ANKS1B: variants seen among roughly 807,000 people sequenced by gnomAD.
ANKS1B encodes the protein ankyrin repeat and sterile alpha motif domain-containing protein 1B.
ANKS1B carries 36 observed loss-of-function variants against 148.3 expected under a neutral mutation model. The observed-to-expected ratio is 0.24, with a 90% confidence interval of 0.19 to 0.32. The LOEUF is 0.32. Among genes scored for constraint, ANKS1B ranks in the 10% least tolerant of loss-of-function variants. ANKS1B has a pLI of 1.00. For synonymous variants in ANKS1B, 542 were observed against 560.8 expected (o/e 0.97, Z 0.47); for missense variants, 1,157 against 1,542.6 (o/e 0.75, Z 4.19).
chr12:99,675,671 CA>C (rs1162778005), intron 8 of ANKS1B, among the ~76,000 whole-genome samples: 3 of 151,246 alleles, frequency 2.0e-5, no homozygotes, highest in Non-Finnish European at 4.4e-5. Flanking sequence ...CAATCTAACC[CA>C]AAAAAAGGTA....
At chr12:99,306,964 C>T (rs964197675) in intron 12 of ANKS1B, among the ~76,000 whole-genome samples, 3 of 152,132 alleles carry the variant, frequency 2.0e-5, no homozygotes, top group East Asian at 1.9e-4. Context: ...TAAGCCATTA[C>T]TCCACTCCCA....
intron 12 of ANKS1B, among the ~76,000 whole-genome samples, chr12:99,355,960 T>A (rs1025905271): frequency 6.6e-6 from 1 of 152,114 alleles, no homozygotes; most frequent in Non-Finnish European, 1.5e-5. Context: ...TATTAAAATT[T>A]ATAAAATCCA....
intron 8 of ANKS1B, among the ~76,000 whole-genome samples, chr12:99,769,989 C>T (rs2063037533): frequency 6.6e-6 from 1 of 152,210 alleles, no homozygotes; most frequent in Non-Finnish European, 1.5e-5. Flanking sequence ...CCTACCTCCA[C>T]AAAGACTTCA....
At chr12:99,963,057 C>A (rs1235615525) in intron 1 of ANKS1B, among the ~76,000 whole-genome samples, 1 of 152,170 alleles carries the variant, frequency 6.6e-6, no homozygotes, top group Non-Finnish European at 1.5e-5. Flanking sequence ...TCGTGATGCA[C>A]CCACCTCGGC....
chr12:98,937,550 C>T (rs1205019358), intron 17 of ANKS1B, among the ~76,000 whole-genome samples: 1 of 152,022 alleles, frequency 6.6e-6, no homozygotes, highest in Non-Finnish European at 1.5e-5. Flanking sequence ...TCCCACCTTC[C>T]ACTTGAAAGA....
chr12:99,847,176 G>T (rs919895539), intron 1 of ANKS1B, among the ~76,000 whole-genome samples: 47 of 151,658 alleles, frequency 3.1e-4, no homozygotes, highest in East Asian at 1.6e-3. Flanking sequence ...GGCAATCATG[G>T]CTCACTGCAT....
intron 20 of ANKS1B, among the ~76,000 whole-genome samples, chr12:98,802,604 T>TTTTTTTTTTC (rs2099014104): frequency 9.8e-6 from 1 of 101,816 alleles, no homozygotes; most frequent in Non-Finnish European, 2.0e-5. Context: ...CTTTTTTTTT[T>TTTTTTTTTTC]TTTTTTTTTT....
chr12:99,959,227 A>ATT (rs71088166), intron 1 of ANKS1B, among the ~76,000 whole-genome samples: 10,123 of 99,916 alleles, frequency 0.1, 944 homozygotes, highest in East Asian at 0.45. Flanking sequence ...CACCCAGTTA[A>ATT]TTTTTTTTTT....
At chr12:99,136,095 AG>A (rs2067955114) in intron 15 of ANKS1B, among the ~76,000 whole-genome samples, 2 of 152,240 alleles carry the variant, frequency 1.3e-5, no homozygotes, top group African/African-American at 4.8e-5. Context: ...AAGATTAAAC[AG>A]GGTTAAAGAT....
intron 19 of ANKS1B, among the ~76,000 whole-genome samples, chr12:98,826,062 G>A (rs1188592997): frequency 6.6e-6 from 1 of 152,092 alleles, no homozygotes; most frequent in African/African-American, 2.4e-5. Flanking sequence ...CAGAACTTCT[G>A]GGCTAATGAG....
At chr12:99,468,886 T>A (rs2096185382) in intron 10 of ANKS1B, among the ~76,000 whole-genome samples, 1 of 152,142 alleles carries the variant, frequency 6.6e-6, no homozygotes, top group African/African-American at 2.4e-5. Flanking sequence ...GTGTGGCGAT[T>A]CCTCAGGGAT....
chr12:98,743,273 T>C (rs2097818476), downstream of ANKS1B, among the ~76,000 whole-genome samples: 1 of 152,226 alleles, frequency 6.6e-6, no homozygotes, highest in African/African-American at 2.4e-5. Context: ...AAATCTTGTG[T>C]GTCTTGAGAA....
intron 14 of ANKS1B, among the ~76,000 whole-genome samples, chr12:99,178,576 T>A (rs1399254624): frequency 2.6e-5 from 4 of 152,250 alleles, no homozygotes; most frequent in Non-Finnish European, 5.9e-5. Context: ...TCAGGCACTA[T>A]CAACTTTGTT....
At chr12:99,901,622 C>G (rs928500388) in intron 1 of ANKS1B, among the ~76,000 whole-genome samples, 1 of 152,166 alleles carries the variant, frequency 6.6e-6, no homozygotes, top group Non-Finnish European at 1.5e-5. Flanking sequence ...CACCCCTCCC[C>G]CATTCTCAGT....
chr12:99,466,657 A>C (rs2152884543), intron 10 of ANKS1B, among the ~76,000 whole-genome samples: 1 of 151,704 alleles, frequency 6.6e-6, no homozygotes, highest in African/African-American at 2.4e-5. Flanking sequence ...AATACTACAA[A>C]CACCTCTATG....
intron 14 of ANKS1B, among the ~76,000 whole-genome samples, chr12:99,199,984 G>C (rs1485445670): frequency 6.6e-6 from 1 of 152,216 alleles, no homozygotes; most frequent in East Asian, 1.9e-4. Context: ...AAGAACAGGA[G>C]AGGGCCAATT....
intron 14 of ANKS1B, chr12:99,154,621 C>T: frequency 1.4e-6 from 2 of 1,452,510 alleles, no homozygotes; most frequent in East Asian, 5.0e-5. Flanking sequence ...ATCCTAGCTC[C>T]ACATTTCTTA....
intron 12 of ANKS1B, among the ~76,000 whole-genome samples, chr12:99,377,843 A>G (rs1039850644): frequency 2.6e-5 from 4 of 152,174 alleles, no homozygotes; most frequent in Non-Finnish European, 5.9e-5. Context: ...ATTTCCCATT[A>G]AGAAATACAA....
rs554286661 is a variant in ANKS1B at position 99,047,886 on chromosome 12, A to G, written c.2778+5271T>C. Among the ~76,000 whole-genome samples, 4 of 152,342 alleles carry G rather than the reference A, an allele frequency of 2.6e-5. No homozygotes were observed. In the South Asian group the frequency reaches 8.3e-4, roughly 32 times the overall value. ...ACTAAGGGTCTACATAAAGGAATGA[A>G]GAGCTTGGTTGGCTTCAAGGGTGTG... On this transcript the variant is annotated intron_variant, in intron 17 of 26. Coordinates refer to ENST00000683438, the MANE Select transcript of ANKS1B (RefSeq NM_001352186.2).
Sources: gnomAD v4.1 joint callset for allele counts (sites outside exome capture counted in the v4.1 genomes callset) on GRCh38, gnomAD v4.1.1 for gene constraint, MANE v1.5 for transcripts, NCBI Gene and HGNC (gene_info 2026-07-23, HGNC 2026-07-21) for gene names.